The following PDE1C variants were observed in gnomAD, a reference collection of about 807,000 sequenced individuals.
PDE1C encodes the protein phosphodiesterase 1C.
PDE1C carries 62 observed loss-of-function variants against 93.1 expected under a neutral mutation model. That is an observed-to-expected ratio of 0.67 (90% CI 0.54 to 0.82). The LOEUF (loss-of-function observed/expected upper bound fraction) is 0.82, where lower values mean the gene tolerates loss of function less well. Ranked by LOEUF, PDE1C falls within the 40% of genes least tolerant of loss-of-function variation. The pLI, the probability that PDE1C is intolerant of heterozygous loss-of-function variation, is 0.00. For synonymous variants in PDE1C, 325 were observed against 310.1 expected (o/e 1.05, Z -0.50); for missense variants, 742 against 884.6 (o/e 0.84, Z 2.04).
At chr7:31,986,054 A>C (rs1205060823) in intron 2 of PDE1C, among the ~76,000 whole-genome samples, 1 of 152,124 alleles carries the variant, frequency 6.6e-6, no homozygotes, top group Non-Finnish European at 1.5e-5. Context: ...TGATTGAATT[A>C]TTTTCTCAGG....
intron 2 of PDE1C, among the ~76,000 whole-genome samples, chr7:31,886,724 G>A (rs77877405): frequency 0.11 from 7,817 of 68,776 alleles, 329 homozygotes; most frequent in South Asian, 0.22. Flanking sequence ...ATAGGGAAAC[G>A]GCAGACTCTG....
intron 2 of PDE1C, among the ~76,000 whole-genome samples, chr7:31,913,690 T>C (rs537859238): frequency 1.2e-3 from 178 of 152,266 alleles, no homozygotes; most frequent in African/African-American, 4.2e-3. Context: ...ACAAGAGCAG[T>C]CTAGAGAAAT....
intron 2 of PDE1C, among the ~76,000 whole-genome samples, chr7:31,980,844 A>C (rs1812281348): frequency 6.6e-6 from 1 of 152,168 alleles, no homozygotes; most frequent in Non-Finnish European, 1.5e-5. Context: ...TTCTAAAGCC[A>C]GTCAGTAGGG....
Position 32,281,449 on chromosome 7 carries a change from G to A in PDE1C, c.85+17202C>T, listed in dbSNP as rs78778833. Among the ~76,000 whole-genome samples, 72 of 152,242 alleles carry A rather than the reference G, an allele frequency of 4.7e-4. No individual in the cohort carries two copies. In the East Asian group the frequency reaches 0.014, roughly 29 times the overall value. ...ATTAAAGGAAGTCAGGCCAGGTATG[G>A]TGGTTCACACCTGTAATCCCAGGGC... is the stretch of plus-strand genomic sequence containing the variant. On this transcript the variant is annotated intron_variant, in intron 1 of 18. Transcript: ENST00000396193.
At chr7:32,132,138 G>C (rs1584822620) in intron 3 of PDE1C, among the ~76,000 whole-genome samples, 1 of 152,110 alleles carries the variant, frequency 6.6e-6, no homozygotes, top group Non-Finnish European at 1.5e-5. Context: ...TCAAGCAGAG[G>C]AAAGATTAAA....
the PDE1C span, among the ~76,000 whole-genome samples, chr7:31,664,141 A>G: frequency 6.6e-6 from 1 of 152,196 alleles, no homozygotes; most frequent in Non-Finnish European, 1.5e-5. Context: ...ACTGTCCAGT[A>G]TAACCATGGC....
intron 2 of PDE1C, among the ~76,000 whole-genome samples, chr7:31,978,819 G>A (rs1812006378): frequency 6.6e-6 from 1 of 152,156 alleles, no homozygotes; most frequent in South Asian, 2.1e-4. Context: ...TCCATCTGCG[G>A]GTTTCTGGAG....
At chr7:32,177,078 A>C (rs906940047) in intron 2 of PDE1C, among the ~76,000 whole-genome samples, 1 of 152,232 alleles carries the variant, frequency 6.6e-6, no homozygotes, top group Non-Finnish European at 1.5e-5. Flanking sequence ...TTAAGTAAAA[A>C]ACATGTCACA....
chr7:32,177,482 C>T (rs1459637592), intron 2 of PDE1C, among the ~76,000 whole-genome samples: 10 of 152,174 alleles, frequency 6.6e-5, no homozygotes, highest in Non-Finnish European at 1.3e-4. Flanking sequence ...TGCACCTCCT[C>T]AGGCAGCAGT....
intron 14 of PDE1C, 75 bp from the exon 15 acceptor site, chr7:31,816,229 T>A: frequency 7.4e-7 from 1 of 1,351,148 alleles, no homozygotes; most frequent in Non-Finnish European, 1.0e-6. Flanking sequence ...TGGCCTGTTT[T>A]AGTACACAAA....
chr7:32,122,512 G>T (rs1363857840), intron 3 of PDE1C, among the ~76,000 whole-genome samples: 1 of 151,616 alleles, frequency 6.6e-6, no homozygotes, highest in Non-Finnish European at 1.5e-5. Context: ...AATCATAACA[G>T]TCTCTTAGAC....
At chr7:32,274,599 CA>C (rs778246888) in intron 1 of PDE1C, among the ~76,000 whole-genome samples, 2 of 152,028 alleles carry the variant, frequency 1.3e-5, no homozygotes, top group African/African-American at 4.8e-5. Flanking sequence ...AATTTTAAAT[CA>C]GGGTTTAAGG....
chr7:31,745,853 C>A, the PDE1C span, among the ~76,000 whole-genome samples: 1 of 152,102 alleles, frequency 6.6e-6, no homozygotes, highest in East Asian at 1.9e-4. Flanking sequence ...ATATTTATGT[C>A]TTTTTGGCTT....
At chr7:32,345,758 T>C (rs771490077) in intron 1 of PDE1C, among the ~76,000 whole-genome samples, 6 of 152,166 alleles carry the variant, frequency 3.9e-5, no homozygotes, top group Non-Finnish European at 8.8e-5. Context: ...ATTTTCAGTA[T>C]TATTAGTCAT....
chr7:32,246,873 T>C (rs1808999378), intron 1 of PDE1C, among the ~76,000 whole-genome samples: 1 of 152,250 alleles, frequency 6.6e-6, no homozygotes, highest in African/African-American at 2.4e-5. Context: ...AAATGGTGGC[T>C]ATAATTTTGA....
chr7:32,122,433 T>A (rs1274396228), intron 3 of PDE1C, among the ~76,000 whole-genome samples: 1 of 152,180 alleles, frequency 6.6e-6, no homozygotes, highest in African/African-American at 2.4e-5. Flanking sequence ...CTGTGCCACA[T>A]GGGACTTATT....
intron 2 of PDE1C, among the ~76,000 whole-genome samples, chr7:31,915,301 A>G (rs1801740631): frequency 6.6e-6 from 1 of 152,048 alleles, no homozygotes; most frequent in East Asian, 1.9e-4. Context: ...CCCCAGCCCC[A>G]TGCCTGGCCT....
chr7:32,426,096 T>C (rs1031718167), intron 1 of PDE1C, among the ~76,000 whole-genome samples: 1 of 152,194 alleles, frequency 6.6e-6, no homozygotes, highest in Non-Finnish European at 1.5e-5. Context: ...TTTCATCCTA[T>C]ATTAGGTGGA....
chr7:31,767,679 C>T (rs568918293), intron 17 of PDE1C, among the ~76,000 whole-genome samples: 1 of 152,292 alleles, frequency 6.6e-6, no homozygotes, highest in South Asian at 2.1e-4. Flanking sequence ...AGTACTGTGA[C>T]TGAGTGGGTT....
Sources: allele counts gnomAD v4.1 joint callset (sites outside exome capture counted in the v4.1 genomes callset), GRCh38; gene constraint gnomAD v4.1.1; transcripts MANE v1.5; gene names NCBI Gene and HGNC (gene_info 2026-07-23, HGNC 2026-07-21).